ATXN2: variants seen among roughly 807,000 people sequenced by gnomAD.
ATXN2 encodes the protein ataxin 2.
ATXN2 carries 37 observed loss-of-function variants against 138.6 expected under a neutral mutation model. The observed-to-expected ratio is 0.27, with a 90% confidence interval of 0.21 to 0.35. ATXN2 has a LOEUF of 0.35. Among genes scored for constraint, ATXN2 ranks in the 10% least tolerant of loss-of-function variants. The pLI, the probability that ATXN2 is intolerant of heterozygous loss-of-function variation, is 1.00. For synonymous variants in ATXN2, 549 were observed against 543.7 expected (o/e 1.01, Z -0.13); for missense variants, 1,216 against 1,480.3 (o/e 0.82, Z 2.93).
chr12:111,472,515 CCT>C (rs1208171831), intron 18 of ATXN2, among the ~76,000 whole-genome samples: 1 of 152,084 alleles, frequency 6.6e-6, no homozygotes, highest in Non-Finnish European at 1.5e-5. Context: ...AAAGAACCTA[CCT>C]AAGGCATACA....
At chr12:111,481,412 T>A (rs1333266043) in intron 18 of ATXN2, among the ~76,000 whole-genome samples, 2 of 152,102 alleles carry the variant, frequency 1.3e-5, no homozygotes, top group African/African-American at 4.8e-5. Flanking sequence ...GCCACTGTGC[T>A]CCAGCCTGGG....
chr12:111,455,274 G>A, intron 23 of ATXN2: 1 of 619,664 alleles, frequency 1.6e-6, no homozygotes, highest in Non-Finnish European at 3.0e-6. Flanking sequence ...CCCAACTTCA[G>A]TGCAGCTCCT....
chr12:111,550,208 T>C (rs1169729528), intron 5 of ATXN2, among the ~76,000 whole-genome samples: 10 of 152,172 alleles, frequency 6.6e-5, no homozygotes, highest in Admixed American at 5.9e-4. Context: ...ATTTTCAAAG[T>C]TGTCACTCTG....
chr12:111,510,170 G>A (rs984022335), intron 12 of ATXN2, among the ~76,000 whole-genome samples, 172 bp from the exon 13 acceptor site: 3 of 151,964 alleles, frequency 2.0e-5, no homozygotes, highest in Non-Finnish European at 4.4e-5. Context: ...TATTTATGTA[G>A]GTATTTGACA....
chr12:111,578,135 T>G (rs1312907123), intron 1 of ATXN2, among the ~76,000 whole-genome samples: 2 of 152,144 alleles, frequency 1.3e-5, no homozygotes, highest in African/African-American at 4.8e-5. Flanking sequence ...AGGCAGAGAC[T>G]GCAGTGAGCC....
intron 23 of ATXN2, chr12:111,454,741 C>T: frequency 2.8e-6 from 1 of 357,020 alleles, no homozygotes; most frequent in Non-Finnish European, 5.4e-6. Flanking sequence ...GGGCACATGG[C>T]AAATTTGAGC....
intron 14 of ATXN2, among the ~76,000 whole-genome samples, chr12:111,507,292 G>A (rs1300033347): frequency 6.6e-6 from 1 of 151,812 alleles, no homozygotes; most frequent in Non-Finnish European, 1.5e-5. Flanking sequence ...TCTGGGATGT[G>A]AGGAGCGCCT....
intron 1 of ATXN2, chr12:111,581,494 TCC>T: frequency 9.8e-7 from 1 of 1,016,266 alleles, no homozygotes; most frequent in Non-Finnish European, 1.6e-6. Context: ...ACAACCCTGC[TCC>T]CCCAATGTCC....
intron 22 of ATXN2, 52 bp from the exon 23 acceptor site, chr12:111,456,308 G>C (rs1228046873): frequency 6.3e-7 from 1 of 1,586,166 alleles, no homozygotes. Flanking sequence ...ATGAAAAGCA[G>C]CCAAGGGATA....
At chr12:111,473,476 G>A (rs930395967) in intron 18 of ATXN2, among the ~76,000 whole-genome samples, 1 of 151,960 alleles carries the variant, frequency 6.6e-6, no homozygotes, top group African/African-American at 2.4e-5. Flanking sequence ...CCAAACAGCT[G>A]GATATGGGAA....
At chr12:111,572,425 TC>T (rs1883381176) in intron 1 of ATXN2, among the ~76,000 whole-genome samples, 1 of 151,720 alleles carries the variant, frequency 6.6e-6, no homozygotes, top group Non-Finnish European at 1.5e-5. Context: ...AAATTTACTA[TC>T]TGGCCCTTTA....
At chr12:111,479,390 TAAAAAAAAAAAA>T (rs33967202) in intron 18 of ATXN2, among the ~76,000 whole-genome samples, 1 of 49,848 alleles carries the variant, frequency 2.0e-5, no homozygotes, top group African/African-American at 6.4e-5. Context: ...CCGTCTCTGC[TAAAAAAAAAAAA>T]AAAAAAAAAA....
intron 1 of ATXN2, among the ~76,000 whole-genome samples, chr12:111,594,858 AT>A (rs1351016226): frequency 6.6e-6 from 1 of 152,198 alleles, no homozygotes; most frequent in Non-Finnish European, 1.5e-5. Context: ...CAGGAATTTC[AT>A]TCCTGCACTT....
chr12:111,457,210 T>C lies in ATXN2; in HGVS notation c.3042+4A>G. Reference sequence around the variant, plus strand: ...CTCCATGCAGACCTCTGAGTTGCCCTTACCTGAACAGGACTGGGTGCAGGA... The same window carrying C: ...CTCCATGCAGACCTCTGAGTTGCCCCTACCTGAACAGGACTGGGTGCAGGA... On this transcript the variant is annotated splice_donor_region_variant and intron_variant, in intron 22 of 24. Coordinates refer to ENST00000673436, the MANE Select transcript of ATXN2 (RefSeq NM_001372574.1). 6.2e-7 allele frequency: 1 copy of C among 1,611,096 alleles called. No individual in the cohort carries two copies. Among genetic ancestry groups the C allele is most frequent in the Non-Finnish European group, 8.5e-7 (1 of 1,178,798 alleles).
At chr12:111,543,096 CTTTT>C (rs1413039220) in intron 5 of ATXN2, among the ~76,000 whole-genome samples, 1 of 152,156 alleles carries the variant, frequency 6.6e-6, no homozygotes, top group Non-Finnish European at 1.5e-5. Flanking sequence ...CTGTTTCTTT[CTTTT>C]AATCTCAATA....
chr12:111,513,999 T>A (rs953670241), intron 10 of ATXN2, among the ~76,000 whole-genome samples: 3 of 151,992 alleles, frequency 2.0e-5, no homozygotes, highest in Non-Finnish European at 4.4e-5. Flanking sequence ...AAAAAAAAAA[T>A]TTAAACAGAA....
In ATXN2 at chr12:111,570,514, C is replaced by G. The variant is rs962359870; in HGVS notation, c.252-14595G>C. Among the ~76,000 whole-genome samples the G allele has an allele frequency of 6.6e-5, 10 of 151,800 alleles. No individual in the cohort carries two copies. The South Asian group carries it at 2.1e-3, about 32-fold the overall frequency. On this transcript the variant is annotated intron_variant, in intron 1 of 24. Transcript: ENST00000673436. ...GTGTTTCCTTACTTTCAGTGAGGAC[C>G]CCCTCCAATTCTTCTATCACACTGT...
intron 21 of ATXN2, among the ~76,000 whole-genome samples, chr12:111,460,934 C>T (rs1875532064): frequency 6.6e-6 from 1 of 152,076 alleles, no homozygotes. Context: ...TGTACATAGG[C>T]TTTGTTTAAA....
intron 8 of ATXN2, 50 bp from the exon 9 acceptor site, chr12:111,518,477 C>A: frequency 6.6e-7 from 1 of 1,523,024 alleles, no homozygotes; most frequent in South Asian, 1.3e-5. Context: ...GGTACCAAGC[C>A]AATGAAACAT....
Sources: allele counts gnomAD v4.1 joint callset (sites outside exome capture counted in the v4.1 genomes callset), GRCh38; gene constraint gnomAD v4.1.1; transcripts MANE v1.5; gene names NCBI Gene and HGNC (gene_info 2026-07-23, HGNC 2026-07-21).